The following TMEM230 variants were observed in gnomAD, a reference collection of about 807,000 sequenced individuals.
The protein encoded by TMEM230 is UPF0414 transmembrane protein C20orf30.
Under a neutral mutation model 15.8 loss-of-function variants are expected in TMEM230, and 10 were observed. The observed-to-expected ratio is 0.63, with a 90% CI of 0.39 to 1.07. The LOEUF (loss-of-function observed/expected upper bound fraction) is 1.07. Ranked by LOEUF, TMEM230 falls within the 50% of genes least tolerant of loss-of-function variation. The probability of loss-of-function intolerance (pLI) is 0.01; values close to 1 mark genes in which losing one functional copy is unlikely to be tolerated. For missense variants in TMEM230, 165 were observed against 193.3 expected, an observed-to-expected ratio of 0.85 and a Z score of 0.87; for synonymous variants, 67 against 76.9, an observed-to-expected ratio of 0.87 and a Z score of 0.68.
At chr20:5,063,496 C>G (rs1257583344), downstream of TMEM230, among the ~76,000 whole-genome samples, 4 of 151,866 alleles carry the variant, frequency 2.6e-5, no homozygotes, top group African/African-American at 7.3e-5. Flanking sequence ...ACCATATTGG[C>G]TGGGCTGGTC....
At chr20:5,099,452 C>T (rs1241350014), downstream of TMEM230, among the ~76,000 whole-genome samples, 1 of 151,404 alleles carries the variant, frequency 6.6e-6, no homozygotes, top group African/African-American at 2.4e-5. Context: ...GTCACCCTCT[C>T]TTTGTCCCTC....
chr20:5,112,844 G>T lies in TMEM230; in HGVS notation c.68+117C>A, dbSNP rs41282112. ...GGAAAGAGGCCAACTGTGCCAGGGG[G>T]GACGAATGCCCCACACGGATGACTC... On this transcript the variant is annotated intron_variant, in intron 1 of 4. Transcript: ENST00000342308. 3.8e-3 allele frequency: 5,809 copies of T among 1,541,812 alleles called. 23 individuals are homozygous for T. Among genetic ancestry groups the T allele is most frequent in the Non-Finnish European group, 4.3e-3 (4,944 of 1,144,204 alleles).
chr20:5,099,740 A>C, downstream of TMEM230: 1 of 622,074 alleles, frequency 1.6e-6, no homozygotes, highest in Non-Finnish European at 2.0e-6. Context: ...CCATAACCTC[A>C]GAGTTAGGGA....
chr20:5,110,192 G>A (rs564574474), intron 2 of TMEM230, among the ~76,000 whole-genome samples: 8 of 152,034 alleles, frequency 5.3e-5, no homozygotes, highest in African/African-American at 1.9e-4. Flanking sequence ...GAGTAGTTGG[G>A]ATTATAGCCA....
At chr20:5,112,014 T>G (rs2090347384) in intron 1 of TMEM230, among the ~76,000 whole-genome samples, 1 of 152,074 alleles carries the variant, frequency 6.6e-6, no homozygotes, top group African/African-American at 2.4e-5. Flanking sequence ...GCCCGGCTAA[T>G]TTTTCTATTT....
downstream of TMEM230, chr20:5,068,221 T>C (rs1568476573): frequency 6.6e-6 from 1 of 152,218 alleles, no homozygotes; most frequent in Non-Finnish European, 1.5e-5. Flanking sequence ...TTAAGGCGTT[T>C]TCTCCAACAA....
chr20:5,070,885 G>C (rs973470717), intron 3 of TMEM230, among the ~76,000 whole-genome samples: 1 of 152,068 alleles, frequency 6.6e-6, no homozygotes, highest in African/African-American at 2.4e-5. Context: ...TCTCACCTCA[G>C]CCTCCCAAAT....
downstream of TMEM230, chr20:5,098,429 C>A (rs948653026): frequency 1.3e-5 from 2 of 152,176 alleles, no homozygotes; most frequent in Non-Finnish European, 1.5e-5. Context: ...GGATTAGCTT[C>A]CAAGATCAGA....
At chr20:5,089,686 G>T (rs1035023692) in intron 3 of TMEM230, among the ~76,000 whole-genome samples, 1 of 151,766 alleles carries the variant, frequency 6.6e-6, no homozygotes, top group Non-Finnish European at 1.5e-5. Flanking sequence ...GGGCAACAGA[G>T]TGAGACTCTG....
intron 3 of TMEM230, among the ~76,000 whole-genome samples, chr20:5,077,747 T>C (rs1490684079): frequency 6.6e-6 from 1 of 151,620 alleles, no homozygotes; most frequent in Non-Finnish European, 1.5e-5. Context: ...GGCAGGAGAA[T>C]CACTTGAACC....
chr20:5,098,032 C>G (rs988980695), downstream of TMEM230, among the ~76,000 whole-genome samples: 3 of 123,360 alleles, frequency 2.4e-5, no homozygotes, highest in Non-Finnish European at 4.7e-5. Flanking sequence ...GGCTGGAGTG[C>G]AGTGGTGCGA....
At chr20:5,068,553 A>T (rs1409918453) in exon 4 of TMEM230, 2 of 152,504 alleles carry the variant, frequency 1.3e-5, no homozygotes, top group African/African-American at 4.8e-5. Flanking sequence ...ATCAGATCTC[A>T]TGAGAGTCAC....
intron 1 of TMEM230, chr20:5,112,720 C>A: frequency 7.0e-7 from 1 of 1,431,760 alleles, no homozygotes; most frequent in Non-Finnish European, 9.1e-7. Context: ...CATTACGCGC[C>A]TCTACATACG....
chr20:5,075,410 T>C (rs1269653249), intron 3 of TMEM230, among the ~76,000 whole-genome samples: 1 of 151,588 alleles, frequency 6.6e-6, no homozygotes, highest in African/African-American at 2.4e-5. Context: ...CCAGTAAAGC[T>C]GATTTAAAAG....
downstream of TMEM230, among the ~76,000 whole-genome samples, chr20:5,097,514 C>T (rs757605161): frequency 6.6e-6 from 1 of 152,212 alleles, no homozygotes; most frequent in Admixed American, 6.5e-5. Context: ...CAACTGACCA[C>T]GGTTCCCCAA....
intron 1 of TMEM230, 187 bp downstream of exon 1, chr20:5,112,774 A>T: frequency 6.8e-7 from 1 of 1,477,554 alleles, no homozygotes; most frequent in South Asian, 1.3e-5. Flanking sequence ...GAGAGAAATA[A>T]GAACCGACGC....
At chr20:5,064,700 T>A (rs895985885), downstream of TMEM230, among the ~76,000 whole-genome samples, 11 of 150,710 alleles carry the variant, frequency 7.3e-5, no homozygotes, top group Middle Eastern at 3.4e-3. Context: ...CAAAAATAAA[T>A]CAAATGAAAA....
At chr20:5,096,748 T>C (rs1034812041), downstream of TMEM230, among the ~76,000 whole-genome samples, 2 of 152,150 alleles carry the variant, frequency 1.3e-5, no homozygotes, top group Non-Finnish European at 2.9e-5. Flanking sequence ...CTGACGTAAA[T>C]GTAGGTAGGT....
downstream of TMEM230, chr20:5,067,410 C>CATGTAT (rs2088678704): frequency 9.8e-6 from 1 of 102,314 alleles, no homozygotes; most frequent in Non-Finnish European, 2.0e-5. Context: ...TGTTTAGGCT[C>CATGTAT]ATATATATAT....
Sources: allele counts gnomAD v4.1 joint callset (sites outside exome capture counted in the v4.1 genomes callset), GRCh38; gene constraint gnomAD v4.1.1; transcripts MANE v1.5; gene names NCBI Gene and HGNC (gene_info 2026-07-23, HGNC 2026-07-21).